HS6ST1: variants seen among roughly 807,000 people sequenced by gnomAD.
The protein encoded by HS6ST1 is heparan sulfate 6-O-sulfotransferase 1, also known as heparan-sulfate 6-O-sulfotransferase 1.
HS6ST1 carries 3 observed loss-of-function variants against 25.2 expected under a neutral mutation model. The ratio of observed to expected loss-of-function variants is 0.12; its 90% confidence interval spans 0.05 to 0.31. HS6ST1 has a LOEUF of 0.31. Among genes scored for constraint, HS6ST1 ranks in the 10% least tolerant of loss-of-function variants. The pLI is 1.00. For synonymous variants in HS6ST1, 204 were observed against 275.1 expected, an observed-to-expected ratio of 0.74 and a Z score of 2.56; for missense variants, 310 against 609.6, an observed-to-expected ratio of 0.51 and a Z score of 5.18.
At chr2:128,307,931 C>T (rs1009724635) in intron 1 of HS6ST1, among the ~76,000 whole-genome samples, 7 of 152,158 alleles carry the variant, frequency 4.6e-5, no homozygotes, top group African/African-American at 1.7e-4. Context: ...AGCAGAGATC[C>T]GTCTGGACTA....
intron 1 of HS6ST1, among the ~76,000 whole-genome samples, chr2:128,307,884 C>A (rs1694236016): frequency 6.6e-6 from 1 of 152,136 alleles, no homozygotes; most frequent in East Asian, 1.9e-4. Context: ...ACTGTGATGG[C>A]CAAAGTGAAT....
At chr2:128,308,765 T>C (rs772513662) in intron 1 of HS6ST1, among the ~76,000 whole-genome samples, 4 of 152,208 alleles carry the variant, frequency 2.6e-5, no homozygotes, top group African/African-American at 4.8e-5. Flanking sequence ...GTGATGACAC[T>C]TGGTGATGTC....
chr2:128,293,178 G>A (rs990068164), intron 1 of HS6ST1, among the ~76,000 whole-genome samples: 2 of 152,224 alleles, frequency 1.3e-5, no homozygotes, highest in East Asian at 1.9e-4. Context: ...CGTCCCACCC[G>A]CACACCCTGT....
intron 1 of HS6ST1, among the ~76,000 whole-genome samples, chr2:128,308,657 G>A (rs1694246383): frequency 6.6e-6 from 1 of 152,192 alleles, no homozygotes; most frequent in Non-Finnish European, 1.5e-5. Context: ...GGCACAGTCA[G>A]GAAGGCACTG....
rs764831215 is a variant in HS6ST1, at chr2:128,318,413, G to A, written c.151C>T (p.Pro51Ser). Residue 51 changes from proline to serine, a missense_variant, in exon 1 of 2, where the codon CCC (proline) becomes TCC (serine). Transcript: ENST00000259241. The surrounding 1 kb of genome is among the most constrained non-coding windows in gnomAD (Gnocchi z 5.7). ...GTGGGGAACAGGTCCAGGTCGTCGG[G>A]CGGCGCGCGGCCGCCGGGCGCGCCC... ...SLGAPGGRAPPDDLDLFPTPD... is the reference protein window; with the variant it reads ...SLGAPGGRAPSDDLDLFPTPD... 22 of 1,602,854 alleles carry A rather than the reference G, an allele frequency of 1.4e-5. No homozygotes were observed. Among genetic ancestry groups the A allele is most frequent in the Non-Finnish European group, 1.8e-5 (21 of 1,175,884 alleles).
chr2:128,317,899 A>C, intron 1 of HS6ST1, 138 bp downstream of exon 1: 1 of 1,032,208 alleles, frequency 9.7e-7, no homozygotes, highest in Admixed American at 4.3e-5. Flanking sequence ...GCAGGTCGGG[A>C]GGGGTGCCGG....
chr2:128,295,998 C>CCATA (rs1255639031), intron 1 of HS6ST1, among the ~76,000 whole-genome samples: 3 of 152,076 alleles, frequency 2.0e-5, no homozygotes, highest in Non-Finnish European at 4.4e-5. Context: ...GAGGGTGGAG[C>CCATA]CATAATGAAT....
chr2:128,289,446 T>C (rs1693918806), intron 1 of HS6ST1, among the ~76,000 whole-genome samples: 2 of 152,238 alleles, frequency 1.3e-5, no homozygotes, highest in South Asian at 4.1e-4. Flanking sequence ...GAGATCCTTC[T>C]GCAGCCAAAG....
chr2:128,296,743 C>A (rs1694044169), intron 1 of HS6ST1, among the ~76,000 whole-genome samples: 1 of 152,154 alleles, frequency 6.6e-6, no homozygotes, highest in African/African-American at 2.4e-5. Flanking sequence ...AAAATCATCC[C>A]ATGTCCATGA....
chr2:128,300,482 T>C (rs1013138370), intron 1 of HS6ST1, among the ~76,000 whole-genome samples: 1 of 152,220 alleles, frequency 6.6e-6, no homozygotes, highest in Non-Finnish European at 1.5e-5. Flanking sequence ...GGTGTCTACC[T>C]GGGGCGCTGT....
chr2:128,315,679 C>G (rs943910383), intron 1 of HS6ST1, among the ~76,000 whole-genome samples: 1 of 152,166 alleles, frequency 6.6e-6, no homozygotes. Context: ...GGAAGTGCAT[C>G]CCAACCGCCA....
At chr2:128,281,986 C>A (rs1040139500) in intron 1 of HS6ST1, among the ~76,000 whole-genome samples, 35 of 152,210 alleles carry the variant, frequency 2.3e-4, no homozygotes, top group African/African-American at 8.4e-4. Flanking sequence ...CCACCTGGAC[C>A]CAGGCTGTGA....
intron 1 of HS6ST1, among the ~76,000 whole-genome samples, chr2:128,315,020 G>T (rs531962978): frequency 6.6e-6 from 1 of 152,200 alleles, no homozygotes; most frequent in African/African-American, 2.4e-5. Context: ...CATTCTAACC[G>T]AGTGGTCCCT....
chr2:128,286,910 C>T (rs540259364), intron 1 of HS6ST1, among the ~76,000 whole-genome samples: 1 of 152,302 alleles, frequency 6.6e-6, no homozygotes, highest in South Asian at 2.1e-4. Flanking sequence ...GAACAGCATC[C>T]CCCAAAGCAG....
intron 1 of HS6ST1, among the ~76,000 whole-genome samples, chr2:128,304,516 T>A (rs2104932832): frequency 7.3e-6 from 1 of 137,746 alleles, no homozygotes; most frequent in African/African-American, 2.8e-5. Flanking sequence ...GGCCCTGGCA[T>A]CCCTCGGAGG....
intron 1 of HS6ST1, among the ~76,000 whole-genome samples, chr2:128,282,185 T>C (rs958789097): frequency 1.7e-4 from 26 of 152,232 alleles, no homozygotes; most frequent in African/African-American, 5.8e-4. Context: ...TCACAGCCCG[T>C]TTCCTTAGAG....
intron 1 of HS6ST1, among the ~76,000 whole-genome samples, chr2:128,311,830 T>C (rs1229201831): frequency 6.6e-6 from 1 of 152,132 alleles, no homozygotes; most frequent in Non-Finnish European, 1.5e-5. Context: ...GGGCCGGTGG[T>C]GGCATCGGTG....
intron 1 of HS6ST1, among the ~76,000 whole-genome samples, chr2:128,289,022 T>C (rs1442256073): frequency 6.6e-6 from 1 of 152,116 alleles, no homozygotes; most frequent in Non-Finnish European, 1.5e-5. Context: ...CCCGAGTCCA[T>C]ATAAACACAG....
chr2:128,272,344 A>G (rs1208180898), intron 1 of HS6ST1, among the ~76,000 whole-genome samples: 1 of 152,114 alleles, frequency 6.6e-6, no homozygotes, highest in African/African-American at 2.4e-5. Flanking sequence ...AGACCTCTCC[A>G]CCTTTAAGAC....
Sources: gnomAD v4.1 joint callset for allele counts (sites outside exome capture counted in the v4.1 genomes callset) on GRCh38, gnomAD v4.1.1 for gene constraint, Gnocchi (gnomAD v3.1) non-coding constraint, MANE v1.5 for transcripts, NCBI Gene and HGNC (gene_info 2026-07-23, HGNC 2026-07-21) for gene names.